Variants in FGD4 observed in about 807,000 individuals in gnomAD.
FGD4 encodes the protein FYVE, RhoGEF and PH domain-containing protein 4.
FGD4 carries 42 observed loss-of-function variants against 102.0 expected under a neutral mutation model. The observed-to-expected ratio is 0.41, with a 90% CI of 0.32 to 0.53. The LOEUF is 0.53. FGD4 is among the 20% of genes least tolerant of loss of function. FGD4 has a pLI of 0.21. For synonymous variants in FGD4, 380 were observed against 375.7 expected, an observed-to-expected ratio of 1.01 and a Z score of -0.13; for missense variants, 902 against 1,078.2, an observed-to-expected ratio of 0.84 and a Z score of 2.29.
intron 14 of FGD4, among the ~76,000 whole-genome samples, chr12:32,628,791 A>T (rs531231576): frequency 6.6e-6 from 1 of 152,298 alleles, no homozygotes; most frequent in South Asian, 2.1e-4. Flanking sequence ...CTAAAAAAAA[A>T]ATTATGTAAA....
At chr12:32,627,905 T>C (rs1014370771) in intron 14 of FGD4, among the ~76,000 whole-genome samples, 1 of 152,068 alleles carries the variant, frequency 6.6e-6, no homozygotes, top group Non-Finnish European at 1.5e-5. Flanking sequence ...CAGAAGAATT[T>C]CGGTAAGTTC....
At chr12:32,460,550 T>C (rs1038173969) in intron 1 of FGD4, among the ~76,000 whole-genome samples, 4 of 151,784 alleles carry the variant, frequency 2.6e-5, no homozygotes, top group Non-Finnish European at 4.4e-5. Context: ...TATTTTATAA[T>C]ATAATAGTAG....
At chr12:32,470,749 C>T (rs1221451533) in intron 1 of FGD4, among the ~76,000 whole-genome samples, 4 of 152,160 alleles carry the variant, frequency 2.6e-5, no homozygotes, top group African/African-American at 4.8e-5. Context: ...CCGCTGCGCC[C>T]GGCCTGCTTT....
At position 32,577,565 on chromosome 12, in the gene FGD4, C is replaced by T. The variant is rs568952026; in HGVS notation, c.503+1116C>T. On this transcript the variant is annotated intron_variant, in intron 3 of 16. Coordinates refer to ENST00000534526, the MANE Select transcript of FGD4 (RefSeq NM_001370298.3). Reference sequence around the variant, plus strand: ...TCCTGTGACAACTCAGAGGCCCCGTCTATTTTACAAAGTTACAAGTTCTGG... The same window carrying T: ...TCCTGTGACAACTCAGAGGCCCCGTTTATTTTACAAAGTTACAAGTTCTGG... Among the ~76,000 whole-genome samples, 139 of 152,276 alleles carry T rather than the reference C, an allele frequency of 9.1e-4. 1 individual carries two copies. The highest frequency in any genetic ancestry group is 3.1e-3 in the African/African-American group (128 of 41,550).
intron 15 of FGD4, among the ~76,000 whole-genome samples, chr12:32,633,934 C>T (rs7954220): frequency 0.01 from 1,567 of 152,318 alleles, 29 homozygotes; most frequent in African/African-American, 0.036. Flanking sequence ...CTGCCCACCT[C>T]GGCCTCCCAA....
intron 1 of FGD4, among the ~76,000 whole-genome samples, chr12:32,448,810 T>A (rs1214418432): frequency 6.6e-6 from 1 of 151,940 alleles, no homozygotes; most frequent in Non-Finnish European, 1.5e-5. Context: ...TAGGAGAGGA[T>A]GTGTGGGAGG....
At chr12:32,481,395 G>A (rs1417247997) in intron 1 of FGD4, among the ~76,000 whole-genome samples, 1 of 152,186 alleles carries the variant, frequency 6.6e-6, no homozygotes, top group Non-Finnish European at 1.5e-5. Flanking sequence ...AAAGGAAACT[G>A]GGTGAATGGT....
intron 7 of FGD4, among the ~76,000 whole-genome samples, chr12:32,606,379 T>C (rs972733854): frequency 2.4e-4 from 36 of 152,004 alleles, no homozygotes; most frequent in Admixed American, 1.4e-3. Context: ...CACAAAAATC[T>C]ACATTAGATG....
chr12:32,455,590 G>C (rs1185420120), intron 1 of FGD4, among the ~76,000 whole-genome samples: 1 of 152,080 alleles, frequency 6.6e-6, no homozygotes, highest in Non-Finnish European at 1.5e-5. Flanking sequence ...AGTCCCTTAA[G>C]ATAATAAGCA....
At chr12:32,592,169 G>A (rs1243051213) in intron 4 of FGD4, among the ~76,000 whole-genome samples, 2 of 151,284 alleles carry the variant, frequency 1.3e-5, no homozygotes, top group Non-Finnish European at 2.9e-5. Context: ...TGTAGCCTCC[G>A]CTTCCTGGGT....
chr12:32,616,510 C>T (rs985247623), intron 10 of FGD4, among the ~76,000 whole-genome samples: 1 of 152,224 alleles, frequency 6.6e-6, no homozygotes, highest in Non-Finnish European at 1.5e-5. Context: ...CATCCACCCT[C>T]TCCAGTGCTG....
At chr12:32,574,133 G>C (rs1326224167) in intron 2 of FGD4, among the ~76,000 whole-genome samples, 1 of 152,164 alleles carries the variant, frequency 6.6e-6, no homozygotes, top group Admixed American at 6.5e-5. Flanking sequence ...AAAGTGGGTA[G>C]AGTCATCCCT....
At chr12:32,537,935 A>C (rs1942444710) in intron 1 of FGD4, among the ~76,000 whole-genome samples, 1 of 152,132 alleles carries the variant, frequency 6.6e-6, no homozygotes, top group South Asian at 2.1e-4. Flanking sequence ...TCTTTCTGTC[A>C]TCCAGGCTGG....
intron 3 of FGD4, among the ~76,000 whole-genome samples, chr12:32,579,323 C>T (rs757995660): frequency 1.3e-5 from 2 of 152,068 alleles, no homozygotes; most frequent in Non-Finnish European, 2.9e-5. Context: ...GGATTACCGG[C>T]GTGAGCTACC....
Position 32,601,280 on chromosome 12 carries a change from A to G in FGD4, c.1104A>G (p.Val368=), listed in dbSNP as rs1166731004. ...YVNRLDLLDQ[V]FYCKLLEEAN... ...GCTTACATTATTCTTTTATTCAGGT[A>G]TTTTATTGCAAACTGTTGGAAGAAG... is the stretch of plus-strand genomic sequence containing the variant. The change falls in exon 6 of 17, where the codon GTA becomes GTG. Residue 368 remains valine (V), a splice_region_variant and synonymous_variant. Transcript: ENST00000534526. 1.2e-5 allele frequency: 20 copies of G among 1,613,844 alleles called. No individual in the cohort carries two copies. In the Admixed American group the frequency reaches 3.3e-4, roughly 27 times the overall value.
intron 1 of FGD4, among the ~76,000 whole-genome samples, chr12:32,537,388 T>TTC (rs1324513356): frequency 7.2e-4 from 109 of 152,324 alleles, no homozygotes; most frequent in Admixed American, 7.1e-3. Context: ...CCTGGATTGC[T>TTC]TCTACTAGCC....
intron 16 of FGD4, among the ~76,000 whole-genome samples, chr12:32,639,514 G>A (rs1443829153): frequency 1.3e-5 from 2 of 152,052 alleles, no homozygotes; most frequent in African/African-American, 2.4e-5. Context: ...ATAGATATCT[G>A]AAAAAGGAGT....
At chr12:32,566,712 C>T (rs191795449) in intron 2 of FGD4, among the ~76,000 whole-genome samples, 1 of 152,124 alleles carries the variant, frequency 6.6e-6, no homozygotes, top group African/African-American at 2.4e-5. Flanking sequence ...TGGAGAGAAG[C>T]TGATTTTAAT....
intron 1 of FGD4, among the ~76,000 whole-genome samples, chr12:32,459,456 G>A (rs1328091197): frequency 1.3e-5 from 2 of 151,902 alleles, no homozygotes; most frequent in Non-Finnish European, 2.9e-5. Context: ...ACCTCCCAAA[G>A]CGCTGGGATT....
Sources: allele counts gnomAD v4.1 joint callset (sites outside exome capture counted in the v4.1 genomes callset), GRCh38; gene constraint gnomAD v4.1.1; transcripts MANE v1.5; gene names NCBI Gene and HGNC (gene_info 2026-07-23, HGNC 2026-07-21).